ARHGAP28: variants seen among roughly 807,000 people sequenced by gnomAD.
ARHGAP28 encodes rho GTPase-activating protein 28.
A neutral mutation model predicts 90.7 loss-of-function variants in ARHGAP28; 56 were observed. That is an observed-to-expected ratio of 0.62 (90% CI 0.50 to 0.77). The LOEUF (loss-of-function observed/expected upper bound fraction) is 0.77. Ranked by LOEUF, ARHGAP28 falls within the 30% of genes least tolerant of loss-of-function variation. The pLI is 0.00. For synonymous variants in ARHGAP28, 308 were observed against 323.3 expected (o/e 0.95, Z 0.51); for missense variants, 869 against 900.9 (o/e 0.96, Z 0.45).
intron 10 of ARHGAP28, among the ~76,000 whole-genome samples, chr18:6,879,066 C>T (rs2057156552): frequency 6.6e-6 from 1 of 152,088 alleles, no homozygotes; most frequent in Non-Finnish European, 1.5e-5. Flanking sequence ...GGGGAGCAGC[C>T]CTGGGAGGAA....
intron 2 of ARHGAP28, chr18:6,836,305 C>T (rs1177119722): frequency 6.6e-6 from 1 of 152,470 alleles, no homozygotes; most frequent in African/African-American, 2.4e-5. Context: ...TTGCAATCAA[C>T]AAGCAGGCAG....
chr18:6,779,032 T>C lies in ARHGAP28; in HGVS notation c.123-45730T>C, dbSNP rs929723588. 7.2e-5 allele frequency: 11 copies of C among 152,368 alleles called. No homozygotes were observed. The East Asian group carries it at 1.9e-3, about 27-fold the overall frequency. 9.4% of individuals were successfully genotyped at this position (152,368 alleles called of 1,614,324 possible). A position where few individuals can be genotyped will look rare whatever the true frequency, so the allele number is the denominator to read the frequency against. On this transcript the variant is annotated intron_variant, in intron 1 of 17. Coordinates refer to ENST00000383472, the MANE Select transcript of ARHGAP28 (RefSeq NM_001366230.1). Reference sequence around the variant, plus strand: ...GAACATCTGAAGTGATCTGCAGATATCCTGGTATGTTCATTTTCTTTGTTC... The same window carrying C: ...GAACATCTGAAGTGATCTGCAGATACCCTGGTATGTTCATTTTCTTTGTTC...
intron 1 of ARHGAP28, among the ~76,000 whole-genome samples, chr18:6,805,343 C>G (rs1236702896): frequency 6.6e-6 from 1 of 152,070 alleles, no homozygotes; most frequent in Non-Finnish European, 1.5e-5. Context: ...AAAATTTTTC[C>G]TCTATTAATA....
chr18:6,750,194 G>T (rs2056058014), intron 1 of ARHGAP28, among the ~76,000 whole-genome samples: 1 of 152,060 alleles, frequency 6.6e-6, no homozygotes, highest in Non-Finnish European at 1.5e-5. Flanking sequence ...AGCCCCTAGG[G>T]TTTACTCCTA....
At chr18:6,879,386 A>G (rs923767655) in intron 10 of ARHGAP28, among the ~76,000 whole-genome samples, 1 of 152,220 alleles carries the variant, frequency 6.6e-6, no homozygotes, top group Non-Finnish European at 1.5e-5. Flanking sequence ...CCTCCAAAAT[A>G]GAGGCACATT....
At chr18:6,839,624 CAAGTTTCTA>C in intron 3 of ARHGAP28, among the ~76,000 whole-genome samples, 1 of 152,182 alleles carries the variant, frequency 6.6e-6, no homozygotes, top group Non-Finnish European at 1.5e-5. Context: ...AGAGTTAGTG[CAAGTTTCTA>C]AGTCAGCCTC....
intron 16 of ARHGAP28, chr18:6,898,647 C>CTAAAAGTCAGT: frequency 1.3e-6 from 2 of 1,510,552 alleles, no homozygotes; most frequent in Non-Finnish European, 1.8e-6. Context: ...ACATATACTA[C>CTAAAAGTCAGT]AAAACTGACT....
chr18:6,909,089 A>G, intron 17 of ARHGAP28, 65 bp downstream of exon 17: 1 of 946,684 alleles, frequency 1.1e-6, no homozygotes, highest in African/African-American at 1.7e-5. Flanking sequence ...ATATGTTGCT[A>G]TAATCATAAA....
intron 1 of ARHGAP28, among the ~76,000 whole-genome samples, chr18:6,799,304 A>G (rs1052540574): frequency 6.8e-6 from 1 of 147,230 alleles, no homozygotes; most frequent in Non-Finnish European, 1.5e-5. Context: ...GAAAATGGCC[A>G]TACTACCCAA....
In ARHGAP28 at chr18:6,868,548, G is replaced by T. The variant is rs117504156; in HGVS notation, c.811+314G>T. Among the ~76,000 whole-genome samples the T allele has an allele frequency of 2.2e-4, 34 of 152,208 alleles. 2 individuals carry two copies. In the East Asian group the frequency reaches 6.6e-3, roughly 30 times the overall value. On this transcript the variant is annotated intron_variant, in intron 6 of 17. Transcript: ENST00000383472. The stretch of plus-strand genomic sequence containing the variant: ...GTTTCCCAAGTGATGTGGTCTGCCA[G>T]GAGTAGGCCACTTCTGAGGATCCCT...
rs957797901 is a variant in ARHGAP28, at chr18:6,843,909, T to C, written c.543+6495T>C. Reference sequence around the variant, plus strand: ...ATAATAAAGGAATAGACATTTAACCTTTGTTTTAGTTGTATATTAAATCAA... The same window carrying C: ...ATAATAAAGGAATAGACATTTAACCCTTGTTTTAGTTGTATATTAAATCAA... On this transcript the variant is annotated intron_variant, in intron 3 of 17. Coordinates refer to ENST00000383472, the MANE Select transcript of ARHGAP28 (RefSeq NM_001366230.1). 5.9e-5 allele frequency among the ~76,000 whole-genome samples: 9 copies of C among 152,336 alleles called. 1 individual carries two copies. Among genetic ancestry groups the C allele is most frequent in the Admixed American group, 2.0e-4 (3 of 15,300 alleles).
At chr18:6,888,802 G>C (rs1446767395) in intron 12 of ARHGAP28, among the ~76,000 whole-genome samples, 4 of 150,116 alleles carry the variant, frequency 2.7e-5, no homozygotes, top group East Asian at 1.9e-4. Flanking sequence ...CACATGCACT[G>C]TCTCTCTCTC....
At chr18:6,848,654 A>T (rs1157863614) in intron 3 of ARHGAP28, among the ~76,000 whole-genome samples, 1 of 152,122 alleles carries the variant, frequency 6.6e-6, no homozygotes, top group Non-Finnish European at 1.5e-5. Flanking sequence ...GGGAACATTA[A>T]CTCATCTTGC....
rs764890133 is a variant in ARHGAP28 at position 6,873,570 on chromosome 18, A to G, written c.1116A>G (p.Gly372=). The part of the protein sequence containing the change: ...LKRNKTEKVK[G]RDNGIFGVPL... ...GGAACAAAACAGAGAAAGTAAAAGG[A>G]CGAGGTAACTAAGAAGACTGATTGC... The change falls in exon 8 of 18, where the codon GGA becomes GGG. Residue 372 remains glycine, a synonymous_variant. Transcript: ENST00000383472. 3 of 1,613,384 alleles carry G rather than the reference A, an allele frequency of 1.9e-6. No individual in the cohort carries two copies. The highest frequency in any genetic ancestry group is 2.2e-5 in the South Asian group (2 of 90,744).
At chr18:6,909,300 CTT>C (rs11285854) in intron 17 of ARHGAP28, among the ~76,000 whole-genome samples, 6 of 121,994 alleles carry the variant, frequency 4.9e-5, no homozygotes, top group East Asian at 4.6e-4. Flanking sequence ...CTTTTCTTTT[CTT>C]TTTTTTTTGA....
intron 10 of ARHGAP28, among the ~76,000 whole-genome samples, chr18:6,876,560 T>C (rs1415689200): frequency 1.3e-5 from 2 of 152,038 alleles, no homozygotes; most frequent in African/African-American, 4.8e-5. Flanking sequence ...AACGTCTCAC[T>C]GCTGTTTTGG....
intron 3 of ARHGAP28, among the ~76,000 whole-genome samples, chr18:6,842,259 C>T (rs1236150411): frequency 1.3e-5 from 2 of 152,084 alleles, no homozygotes; most frequent in African/African-American, 4.8e-5. Context: ...TTCAGCTACT[C>T]AGGAGGCTGA....
chr18:6,909,349 G>A (rs1259483905), intron 17 of ARHGAP28, among the ~76,000 whole-genome samples: 1 of 138,144 alleles, frequency 7.2e-6, no homozygotes, highest in Non-Finnish European at 1.6e-5. Context: ...TTGGAGTGCA[G>A]TGGAGTGATC....
intron 1 of ARHGAP28, among the ~76,000 whole-genome samples, chr18:6,754,413 A>G (rs573648843): frequency 2.0e-5 from 3 of 152,176 alleles, no homozygotes; most frequent in Non-Finnish European, 2.9e-5. Context: ...AAATTTAAAT[A>G]CTAAGATTTT....
Sources: allele counts gnomAD v4.1 joint callset (sites outside exome capture counted in the v4.1 genomes callset), GRCh38; gene constraint gnomAD v4.1.1; transcripts MANE v1.5; gene names NCBI Gene and HGNC (gene_info 2026-07-23, HGNC 2026-07-21).